TCF12: variants seen among roughly 807,000 people sequenced by gnomAD.
TCF12 encodes DNA-binding protein HTF4.
A neutral mutation model predicts 86.0 loss-of-function variants in TCF12; 45 were observed. The ratio of observed to expected loss-of-function variants is 0.52; its 90% confidence interval spans 0.41 to 0.67. The LOEUF (loss-of-function observed/expected upper bound fraction) is 0.67. Ranked by LOEUF, TCF12 falls within the 30% of genes least tolerant of loss-of-function variation. The probability of loss-of-function intolerance (pLI) is 0.00; values close to 1 mark genes in which losing one functional copy is unlikely to be tolerated. For missense variants in TCF12, 881 were observed against 859.9 expected, an observed-to-expected ratio of 1.02 and a Z score of -0.31; for synonymous variants, 330 against 299.6, an observed-to-expected ratio of 1.10 and a Z score of -1.05.
chr15:57,066,839 G>A (rs1375912978), intron 4 of TCF12, among the ~76,000 whole-genome samples: 1 of 152,120 alleles, frequency 6.6e-6, no homozygotes, highest in Admixed American at 6.5e-5. Context: ...TACTGTATGG[G>A]AATAGTTACA....
chr15:57,073,045 A>C, intron 4 of TCF12, among the ~76,000 whole-genome samples: 1 of 152,184 alleles, frequency 6.6e-6, no homozygotes, highest in Non-Finnish European at 1.5e-5. Context: ...CCATTTTAAG[A>C]CAATTAAAGC....
chr15:57,186,951 C>T (rs1465790482), intron 6 of TCF12, among the ~76,000 whole-genome samples: 9 of 152,088 alleles, frequency 5.9e-5, no homozygotes, highest in South Asian at 2.1e-4. Flanking sequence ...GAGGCCAAAG[C>T]GGGCAGATCA....
chr15:57,028,554 A>C (rs374888207), intron 3 of TCF12, among the ~76,000 whole-genome samples: 48 of 152,250 alleles, frequency 3.2e-4, no homozygotes, highest in African/African-American at 1.1e-3. Flanking sequence ...TTTTTGTTAA[A>C]TTTAAAGGGC....
At chr15:56,923,902 T>G (rs372566453) in intron 3 of TCF12, among the ~76,000 whole-genome samples, 3 of 152,254 alleles carry the variant, frequency 2.0e-5, no homozygotes. Flanking sequence ...ATTCAGACGT[T>G]TGTAACAGTA....
At chr15:57,174,746 A>G (rs1458647631) in intron 6 of TCF12, among the ~76,000 whole-genome samples, 1 of 152,254 alleles carries the variant, frequency 6.6e-6, no homozygotes, top group Admixed American at 6.5e-5. Flanking sequence ...AAAATTAGAA[A>G]ATAAAATTAA....
chr15:57,120,482 G>A (rs142105519), intron 5 of TCF12, among the ~76,000 whole-genome samples: 58 of 152,272 alleles, frequency 3.8e-4, no homozygotes, highest in African/African-American at 1.4e-3. Context: ...CATGATCCCT[G>A]CCATTGATGA....
chr15:57,283,420 A>G (rs1401969800), intron 20 of TCF12, among the ~76,000 whole-genome samples: 1 of 152,074 alleles, frequency 6.6e-6, no homozygotes, highest in Admixed American at 6.6e-5. Flanking sequence ...GTGCACCACC[A>G]TGCCCGGCTA....
intron 4 of TCF12, among the ~76,000 whole-genome samples, chr15:57,084,851 T>C (rs1239040064): frequency 6.6e-6 from 1 of 152,088 alleles, no homozygotes; most frequent in Non-Finnish European, 1.5e-5. Context: ...GTGAATGTAA[T>C]CTTTCAATAA....
intron 3 of TCF12, among the ~76,000 whole-genome samples, chr15:56,997,968 C>T (rs1321732242): frequency 2.0e-5 from 3 of 152,120 alleles, no homozygotes; most frequent in African/African-American, 2.4e-5. Context: ...TAAAGAGGAA[C>T]ATTACATATT....
rs59793819 is a variant in TCF12 at position 57,024,216 on chromosome 15, C to CTTTTTTTTTTTTTTTTTTTT, written c.149-39529_149-39510dup. Among the ~76,000 whole-genome samples the CTTTTTTTTTTTTTTTTTTTT allele has an allele frequency of 1.1e-4, 12 of 111,288 alleles. 1 individual carries two copies. Among genetic ancestry groups the CTTTTTTTTTTTTTTTTTTTT allele is most frequent in the African/African-American group, 2.5e-4 (8 of 32,006 alleles). 73.0% of individuals were successfully genotyped at this position (111,288 alleles called of 152,430 possible). On this transcript the variant is annotated intron_variant, in intron 3 of 20. Coordinates refer to ENST00000333725, the MANE Select transcript of TCF12 (RefSeq NM_207037.2). Reference sequence around the variant, plus strand: ...TGAGGACCCATACTCAAAAAAGTGTCTTTTTTTTTTTTTTTTTTTTTTTTG... The same window carrying CTTTTTTTTTTTTTTTTTTTT: ...TGAGGACCCATACTCAAAAAAGTGTCTTTTTTTTTTTTTTTTTTTTTTTTTTTTTTTTTTTTTTTTTTTTG...
chr15:57,287,143 C>T lies in TCF12; in HGVS notation c.*998C>T, dbSNP rs575725239. 1 of 157,374 alleles carries T rather than the reference C, an allele frequency of 6.4e-6. No individual in the cohort carries two copies. The highest frequency in any genetic ancestry group is 2.4e-5 in the African/African-American group (1 of 41,568). 9.7% of individuals were successfully genotyped at this position (157,374 alleles called of 1,614,324 possible). On this transcript the variant is annotated 3_prime_UTR_variant, in exon 21 of 21. Coordinates refer to ENST00000333725, the MANE Select transcript of TCF12 (RefSeq NM_207037.2). ...TTTTCCAAGCAGTAAGTACTACATACAGTACTTGTAAAGTGTTAGCTGTAA... is the reference window on the plus strand; with the variant it reads ...TTTTCCAAGCAGTAAGTACTACATATAGTACTTGTAAAGTGTTAGCTGTAA...
intron 3 of TCF12, among the ~76,000 whole-genome samples, chr15:56,976,681 A>T (rs114178060): frequency 5.9e-5 from 9 of 152,174 alleles, no homozygotes; most frequent in African/African-American, 2.2e-4. Context: ...CTGATGTAAG[A>T]CAGTACCACG....
rs2062031396 is a variant in TCF12, at chr15:57,289,390, A to T, written c.*3245A>T. ...CTGTGAAAACTGAGACTCAGATTGT[A>T]TGTCTCTAAGAACACATAATTAGTA... On this transcript the variant is annotated 3_prime_UTR_variant, in exon 21 of 21. Transcript: ENST00000333725. The T allele has an allele frequency of 1.3e-5, 2 of 152,126 alleles. No homozygotes were observed. Among genetic ancestry groups the T allele is most frequent in the Admixed American group, 1.3e-4 (2 of 15,284 alleles). The allele number at this position is 152,126 out of a possible 1,614,324, so 9.4% of individuals were successfully genotyped here.
intron 3 of TCF12, among the ~76,000 whole-genome samples, chr15:57,014,883 ATTATTATTATTG>A (rs1322242616): frequency 6.8e-6 from 1 of 147,538 alleles, no homozygotes; most frequent in African/African-American, 2.5e-5. Context: ...TATTATTATT[ATTATTATTATTG>A]TTATTATTAT....
At chr15:57,214,921 G>C (rs2058270803) in intron 8 of TCF12, among the ~76,000 whole-genome samples, 1 of 152,084 alleles carries the variant, frequency 6.6e-6, no homozygotes, top group Admixed American at 6.5e-5. Flanking sequence ...TCAGCAAGAT[G>C]GGAGTGATTG....
At chr15:57,255,464 A>AT (rs1159554096) in intron 16 of TCF12, among the ~76,000 whole-genome samples, 1 of 151,984 alleles carries the variant, frequency 6.6e-6, no homozygotes, top group Non-Finnish European at 1.5e-5. Context: ...TGCCAGAGGT[A>AT]TTTTTTTGTT....
chr15:56,975,628 A>G (rs2062557360), intron 3 of TCF12, among the ~76,000 whole-genome samples: 1 of 146,894 alleles, frequency 6.8e-6, no homozygotes, highest in South Asian at 2.2e-4. Flanking sequence ...GCTAAAAACT[A>G]GGGGTTTTTT....
At chr15:57,012,079 G>A (rs1392075054) in intron 3 of TCF12, among the ~76,000 whole-genome samples, 1 of 152,080 alleles carries the variant, frequency 6.6e-6, no homozygotes, top group Non-Finnish European at 1.5e-5. Context: ...CTTAAGCAGG[G>A]ATCTTAATAG....
chr15:56,985,743 A>G (rs1293689089), intron 3 of TCF12, among the ~76,000 whole-genome samples: 1 of 152,194 alleles, frequency 6.6e-6, no homozygotes, highest in Non-Finnish European at 1.5e-5. Flanking sequence ...TTTTTAGGAC[A>G]CCAAAGCTCA....
Sources: allele counts gnomAD v4.1 joint callset (sites outside exome capture counted in the v4.1 genomes callset), GRCh38; gene constraint gnomAD v4.1.1; transcripts MANE v1.5; gene names NCBI Gene and HGNC (gene_info 2026-07-23, HGNC 2026-07-21).